DAZAP1: variants seen among roughly 807,000 people sequenced by gnomAD.
DAZAP1 encodes the protein DAZ-associated protein 1.
Under a neutral mutation model 60.1 loss-of-function variants are expected in DAZAP1, and 6 were observed. The ratio of observed to expected loss-of-function variants is 0.10; its 90% CI spans 0.05 to 0.20. DAZAP1 has a LOEUF of 0.20. Ranked by LOEUF, DAZAP1 falls within the 10% of genes least tolerant of loss-of-function variation. DAZAP1 has a pLI of 1.00. For missense variants in DAZAP1, 366 were observed against 560.4 expected, an observed-to-expected ratio of 0.65 and a Z score of 3.50; for synonymous variants, 235 against 215.9, an observed-to-expected ratio of 1.09 and a Z score of -0.78.
Position 1,433,932 on chromosome 19 carries a change from C to T in DAZAP1, c.1049-805C>T, listed in dbSNP as rs1284575094. 1.9e-6 allele frequency: 2 copies of T among 1,028,990 alleles called. No homozygotes were observed. Among genetic ancestry groups the T allele is most frequent in the African/African-American group, 3.2e-5 (2 of 62,894 alleles). The allele number at this position is 1,028,990 out of a possible 1,614,324, so 63.7% of individuals were successfully genotyped here. On this transcript the variant is annotated intron_variant, in intron 11 of 11. Coordinates refer to ENST00000233078, the MANE Select transcript of DAZAP1 (RefSeq NM_018959.4). This position sits in a 1 kb window ranked among gnomAD's most constrained non-coding sequence, Gnocchi z 6.1. ...CGGGGGTGGACGCTGGCGGTGCCCT[C>T]TGGGAAGGGGCCCTTGCCGGTGCCA... is the stretch of plus-strand genomic sequence containing the variant.
intron 1 of DAZAP1, among the ~76,000 whole-genome samples, chr19:1,408,602 C>T (rs1396642136): frequency 1.3e-5 from 2 of 152,190 alleles, no homozygotes; most frequent in South Asian, 2.1e-4. Flanking sequence ...TCGGGTCAGC[C>T]GGGGCCTGCT....
rs931756150 is a variant in DAZAP1, at chr19:1,426,948, A to G, written c.546+988A>G. ...ATGTCCTGGAGGGAGCATCGTGCTC[A>G]TTATCTCCTGCCCCTGCCCTCTACC... is the stretch of plus-strand genomic sequence containing the variant. On this transcript the variant is annotated intron_variant, in intron 7 of 11. Transcript: ENST00000233078. This position sits in a 1 kb window ranked among gnomAD's most constrained non-coding sequence, Gnocchi z 5.4. 6.6e-6 allele frequency: 1 copy of G among 152,212 alleles called. No individual in the cohort carries two copies. Among genetic ancestry groups the G allele is most frequent in the Non-Finnish European group, 1.5e-5 (1 of 68,044 alleles). The allele number at this position is 152,212 out of a possible 1,614,324, so 9.4% of individuals were successfully genotyped here.
chr19:1,414,865 C>T (rs1164851247), intron 1 of DAZAP1, among the ~76,000 whole-genome samples: 1 of 149,766 alleles, frequency 6.7e-6, no homozygotes, highest in Non-Finnish European at 1.5e-5. Context: ...TCTCTGTCAC[C>T]CCTGCTGGAG....
At chr19:1,419,076 C>T (rs923650288) in intron 4 of DAZAP1, among the ~76,000 whole-genome samples, 5 of 147,466 alleles carry the variant, frequency 3.4e-5, no homozygotes, top group South Asian at 4.4e-4. Context: ...CTTCCACTGC[C>T]GGGGCTGGGC....
chr19:1,413,784 A>G (rs767824244), intron 1 of DAZAP1, among the ~76,000 whole-genome samples: 1 of 152,220 alleles, frequency 6.6e-6, no homozygotes, highest in African/African-American at 2.4e-5. Flanking sequence ...CTCAGATTCC[A>G]TAAGGACTGA....
chr19:1,422,988 G>A lies in DAZAP1; in HGVS notation c.463+592G>A, dbSNP rs551709758. On this transcript the variant is annotated intron_variant, in intron 6 of 11. Coordinates refer to ENST00000233078, the MANE Select transcript of DAZAP1 (RefSeq NM_018959.4). This position sits in a 1 kb window ranked among gnomAD's most constrained non-coding sequence, Gnocchi z 4.5. ...CCATCCATGCTGGTTTGTGGAGCTG[G>A]GACGATGGGCGCCCAGTTTCTGTGC... Among the ~76,000 whole-genome samples, 1 of 152,258 alleles carries A rather than the reference G, an allele frequency of 6.6e-6. No homozygotes were observed. Among genetic ancestry groups the A allele is most frequent in the Admixed American group, 6.5e-5 (1 of 15,288 alleles).
In DAZAP1 at chr19:1,417,515, C is replaced by A. The variant is rs200858220; in HGVS notation, c.45C>A (p.Gly15=). 2 of 1,606,298 alleles carry A rather than the reference C, an allele frequency of 1.2e-6. No individual in the cohort carries two copies. The highest frequency in any genetic ancestry group is 2.7e-5 in the African/African-American group (2 of 74,844). ...TGAATCGCAGGAAGCTCTTCGTGGG[C>A]GGTCTTGACTGGAGCACGACCCAAG... ...GADEIGKLFV[G]GLDWSTTQET... Residue 15 remains glycine, a synonymous_variant, in exon 2 of 12, where the codon GGC becomes GGA. Transcript: ENST00000233078.
chr19:1,407,865 C>G, intron 1 of DAZAP1, 63 bp downstream of exon 1: 1 of 1,048,872 alleles, frequency 9.5e-7, no homozygotes, highest in Non-Finnish European at 1.1e-6. Context: ...TCCCCGCCGC[C>G]CGGCCTCAGA....
chr19:1,433,519 G>C lies in DAZAP1; in HGVS notation c.1048+829G>C. The C allele has an allele frequency of 3.1e-5, 15 of 484,666 alleles. No homozygotes were observed. Among genetic ancestry groups the C allele is most frequent in the Non-Finnish European group, 3.8e-5 (10 of 264,306 alleles). 30.0% of individuals were successfully genotyped at this position (484,666 alleles called of 1,614,324 possible). Reference sequence around the variant, plus strand: ...GGAGCTGTGTTCGGCCGAGGTGCCCGCCCACCCACCTCGCATGGCTGTGGT... The same window carrying C: ...GGAGCTGTGTTCGGCCGAGGTGCCCCCCCACCCACCTCGCATGGCTGTGGT... On this transcript the variant is annotated intron_variant, in intron 11 of 11. Transcript: ENST00000233078. This position sits in a 1 kb window ranked among gnomAD's most constrained non-coding sequence, Gnocchi z 6.1.
In DAZAP1 at chr19:1,423,695, AC is replaced by A. The variant is rs1450982452; in HGVS notation, c.463+1300del. Among the ~76,000 whole-genome samples the A allele has an allele frequency of 6.6e-6, 1 of 152,200 alleles. No individual in the cohort carries two copies. Among genetic ancestry groups the A allele is most frequent in the African/African-American group, 2.4e-5 (1 of 41,454 alleles). ...TTTGCGAAAATGTCTACTTCTAAAT[AC>A]GTTGTTTCATCACCGATGCTGTGTT... On this transcript the variant is annotated intron_variant, in intron 6 of 11. Coordinates refer to ENST00000233078, the MANE Select transcript of DAZAP1 (RefSeq NM_018959.4). This position sits in a 1 kb window ranked among gnomAD's most constrained non-coding sequence, Gnocchi z 6.8.
chr19:1,410,889 A>G (rs775875458), intron 1 of DAZAP1, among the ~76,000 whole-genome samples: 55 of 152,342 alleles, frequency 3.6e-4, no homozygotes, highest in Non-Finnish European at 6.6e-4. Flanking sequence ...GGAAGGACTC[A>G]GCGGAGAGAG....
In DAZAP1 at chr19:1,418,139, C is replaced by G. The variant is rs1181988617; in HGVS notation, c.71-65C>G. 4.5e-6 allele frequency: 7 copies of G among 1,551,374 alleles called. No homozygotes were observed. The African/African-American group carries it at 6.8e-5, about 15-fold the overall frequency. On this transcript the variant is annotated intron_variant, in intron 2 of 11. Transcript: ENST00000233078. This position sits in a 1 kb window ranked among gnomAD's most constrained non-coding sequence, Gnocchi z 5.7. ...TGGAGGAGTGTGCGTGCCGGCAGCA[C>G]TGCCAGGCACGTGCCTAATGCTCTG...
Position 1,423,816 on chromosome 19 carries a change from G to C in DAZAP1, c.463+1420G>C, listed in dbSNP as rs2083228438. On this transcript the variant is annotated intron_variant, in intron 6 of 11. Transcript: ENST00000233078. The surrounding 1 kb of genome is among the most constrained non-coding windows in gnomAD (Gnocchi z 6.8). ...GTCCCCCTCCGGCTGCCCAGAGCTG[G>C]CGCCCCTTCTCCTCGCGTCCTGTCC... is the stretch of plus-strand genomic sequence containing the variant. 1.3e-5 allele frequency among the ~76,000 whole-genome samples: 2 copies of C among 152,068 alleles called. No individual in the cohort carries two copies. Among genetic ancestry groups the C allele is most frequent in the African/African-American group, 2.4e-5 (1 of 41,416 alleles).
chr19:1,432,842 A>G lies in DAZAP1; in HGVS notation c.1048+152A>G. The G allele has an allele frequency of 1.1e-6, 1 of 893,524 alleles. No homozygotes were observed. The highest frequency in any genetic ancestry group is 1.7e-6 in the Non-Finnish European group (1 of 598,704). 55.3% of individuals were successfully genotyped at this position (893,524 alleles called of 1,614,324 possible). A position where few individuals can be genotyped will look rare whatever the true frequency, so the allele number is the denominator to read the frequency against. The stretch of plus-strand genomic sequence containing the variant: ...GAGAGGGGGGTGTGGGGGTTGTTGG[A>G]GAGATCTCGTGGCAACTCGGGTCCA... On this transcript the variant is annotated intron_variant, in intron 11 of 11. Transcript: ENST00000233078. The surrounding 1 kb of genome is among the most constrained non-coding windows in gnomAD (Gnocchi z 4.9).
chr19:1,415,353 A>ATGTGTGTGTGTGTGTG (rs61360796), intron 1 of DAZAP1, among the ~76,000 whole-genome samples: 21 of 109,406 alleles, frequency 1.9e-4, no homozygotes, highest in African/African-American at 3.0e-4. Flanking sequence ...TCAGGGTTTT[A>ATGTGTGTGTGTGTGTG]TGTGTGTGTG....
At chr19:1,424,680 C>A (rs1178556812) in intron 6 of DAZAP1, among the ~76,000 whole-genome samples, 2 of 152,094 alleles carry the variant, frequency 1.3e-5, no homozygotes, top group Admixed American at 1.3e-4. Flanking sequence ...GCCTCACGCC[C>A]GTGCTGCGCT....
intron 1 of DAZAP1, among the ~76,000 whole-genome samples, chr19:1,408,063 G>A (rs2082715869): frequency 1.3e-5 from 2 of 151,402 alleles, no homozygotes; most frequent in South Asian, 4.2e-4. Context: ...GAGGGGTCCG[G>A]GGGGCCCCGC....
chr19:1,433,625 G>A lies in DAZAP1; in HGVS notation c.1048+935G>A, dbSNP rs983834744. The stretch of plus-strand genomic sequence containing the variant: ...GACCCACTCACCACCAAACCCTGGC[G>A]TGTCTGAGACTGGCAGGGGGGTGTG... On this transcript the variant is annotated intron_variant, in intron 11 of 11. Coordinates refer to ENST00000233078, the MANE Select transcript of DAZAP1 (RefSeq NM_018959.4). This position sits in a 1 kb window ranked among gnomAD's most constrained non-coding sequence, Gnocchi z 6.1. 17 of 824,252 alleles carry A rather than the reference G, an allele frequency of 2.1e-5. No homozygotes were observed. The highest frequency in any genetic ancestry group is 8.5e-5 in the African/African-American group (5 of 58,866). The allele number at this position is 824,252 out of a possible 1,614,324, so 51.1% of individuals were successfully genotyped here.
At chr19:1,424,958 C>T (rs184871544) in intron 6 of DAZAP1, among the ~76,000 whole-genome samples, 8 of 152,334 alleles carry the variant, frequency 5.3e-5, no homozygotes, top group South Asian at 2.1e-4. Context: ...AGACCCGCCC[C>T]GTTAGCCGGG....
Sources: allele counts gnomAD v4.1 joint callset (sites outside exome capture counted in the v4.1 genomes callset), GRCh38; gene constraint gnomAD v4.1.1; non-coding constraint Gnocchi (gnomAD v3.1); transcripts MANE v1.5; gene names NCBI Gene and HGNC (gene_info 2026-07-23, HGNC 2026-07-21).